Variants in MED13L observed in about 807,000 individuals in gnomAD.
MED13L encodes mediator of RNA polymerase II transcription subunit 13-like.
In MED13L, 7 loss-of-function variants were observed where a neutral mutation model predicts 220.9. That is an observed-to-expected ratio of 0.03 (90% CI 0.02 to 0.06). MED13L has a LOEUF of 0.06. Among genes scored for constraint, MED13L ranks in the 10% least tolerant of loss-of-function variants. The pLI, the probability that MED13L is intolerant of heterozygous loss-of-function variation, is 1.00. For missense variants in MED13L, 1,965 were observed against 2,760.5 expected, an observed-to-expected ratio of 0.71 and a Z score of 6.46; for synonymous variants, 1,011 against 1,015.2, an observed-to-expected ratio of 1.00 and a Z score of 0.08.
chr12:116,269,954 CTTT>C (rs1159926558), intron 1 of MED13L, among the ~76,000 whole-genome samples: 2 of 143,650 alleles, frequency 1.4e-5, no homozygotes, highest in South Asian at 2.2e-4. Context: ...AGGCAGTTTT[CTTT>C]TTTTTTTTCA....
intron 2 of MED13L, chr12:116,232,263 ATACTGTT>A: frequency 3.9e-6 from 1 of 254,236 alleles, no homozygotes; most frequent in Non-Finnish European, 6.2e-6. Flanking sequence ...AAGACTTCTG[ATACTGTT>A]ATAGGGACAA....
intron 2 of MED13L, among the ~76,000 whole-genome samples, chr12:116,202,803 T>C (rs1882087535): frequency 6.6e-6 from 1 of 152,192 alleles, no homozygotes. Flanking sequence ...AGTCTTTCTA[T>C]TCAATAAGGC....
intron 2 of MED13L, 82 bp downstream of exon 2, chr12:116,237,386 G>T: frequency 8.9e-7 from 1 of 1,117,854 alleles, no homozygotes; most frequent in Non-Finnish European, 1.4e-6. Flanking sequence ...TTTTAGACAA[G>T]TCTTAATAAT....
At position 116,034,610 on chromosome 12, in the gene MED13L, C is replaced by T. The variant is rs370405706; in HGVS notation, c.480-12009G>A. ...CTAGAAAGGTGACTAGCATAGCAGT[C>T]CGACATCCGTTCCACTTTCTCCATA... On this transcript the variant is annotated intron_variant, in intron 4 of 30. Transcript: ENST00000281928. 1.1e-4 allele frequency among the ~76,000 whole-genome samples: 17 copies of T among 152,284 alleles called. No individual in the cohort carries two copies. The East Asian group carries it at 3.1e-3, about 28-fold the overall frequency.
In MED13L at chr12:116,276,306, TTTTGTGTGTG is replaced by T. The variant is rs892419310; in HGVS notation, c.72+744_72+753del. 3.6e-5 allele frequency: 11 copies of T among 304,282 alleles called. No homozygotes were observed. In the Admixed American group the frequency reaches 7.0e-4, roughly 19 times the overall value. 18.8% of individuals were successfully genotyped at this position (304,282 alleles called of 1,614,324 possible). A position where few individuals can be genotyped will look rare whatever the true frequency, so the allele number is the denominator to read the frequency against. ...GTTATCAAACCGACCAGCTTGTTGC[TTTTGTGTGTG>T]TGTGTGTGTGTGTGTGTGTGTGTGT... On this transcript the variant is annotated intron_variant, in intron 1 of 30. Transcript: ENST00000281928.
intron 20 of MED13L, 58 bp downstream of exon 20, chr12:115,984,122 G>A: frequency 7.9e-6 from 12 of 1,528,450 alleles, no homozygotes; most frequent in Non-Finnish European, 1.1e-5. Context: ...AGAAGGGATG[G>A]GACGGATTTG....
At chr12:116,206,074 CTTTTTT>C (rs1160337465) in intron 2 of MED13L, among the ~76,000 whole-genome samples, 13 of 87,226 alleles carry the variant, frequency 1.5e-4, no homozygotes, top group South Asian at 9.3e-4. Flanking sequence ...GTATTATTAC[CTTTTTT>C]TTTTTTTTTT....
intron 2 of MED13L, among the ~76,000 whole-genome samples, chr12:116,136,824 C>G (rs1165310410): frequency 1.3e-5 from 2 of 152,074 alleles, no homozygotes; most frequent in Non-Finnish European, 2.9e-5. Flanking sequence ...TAAGAGTGAA[C>G]ATAAACTGGT....
intron 1 of MED13L, among the ~76,000 whole-genome samples, chr12:116,253,245 C>A: frequency 7.2e-6 from 1 of 139,176 alleles, no homozygotes; most frequent in African/African-American, 2.7e-5. Context: ...GCACTCCAGC[C>A]AGGGCAATAA....
intron 4 of MED13L, among the ~76,000 whole-genome samples, chr12:116,037,487 A>G (rs577770699): frequency 6.6e-6 from 1 of 152,350 alleles, no homozygotes; most frequent in African/African-American, 2.4e-5. Context: ...ATCCGATGAA[A>G]TCTGAAATCC....
In MED13L at chr12:115,980,740, C is replaced by A; in HGVS notation, c.5364+10G>T. The A allele has an allele frequency of 6.2e-7, 1 of 1,613,908 alleles. No homozygotes were observed. The highest frequency in any genetic ancestry group is 8.5e-7 in the Non-Finnish European group (1 of 1,179,896). On this transcript the variant is annotated intron_variant, in intron 23 of 30. Transcript: ENST00000281928. ...TAAATTTTCTAAGTTTCTGTCCTGC[C>A]AATACCTACCTCAGGGTTCTTGAGG...
chr12:116,067,855 A>C (rs1870068865), intron 4 of MED13L, among the ~76,000 whole-genome samples: 2 of 152,222 alleles, frequency 1.3e-5, no homozygotes, highest in African/African-American at 4.8e-5. Flanking sequence ...CTTGCAGCAA[A>C]TGTCTGGAAC....
At chr12:116,060,579 GAAA>G (rs201867322) in intron 4 of MED13L, among the ~76,000 whole-genome samples, 9 of 89,156 alleles carry the variant, frequency 1.0e-4, no homozygotes, top group Non-Finnish European at 1.9e-4. Context: ...GACTCCAAGG[GAAA>G]AAAAAAAAAA....
intron 2 of MED13L, among the ~76,000 whole-genome samples, chr12:116,130,618 T>C (rs4767386): frequency 0.92 from 140,458 of 152,262 alleles, 64,967 homozygotes; most frequent in East Asian, 1. Flanking sequence ...CCTTTTCCCT[T>C]CAAGCCAATG....
At chr12:115,966,548 A>G (rs369889668) in intron 28 of MED13L, among the ~76,000 whole-genome samples, 2 of 152,194 alleles carry the variant, frequency 1.3e-5, no homozygotes, top group South Asian at 4.1e-4. Flanking sequence ...AAATGGAAAG[A>G]TTACAATCTC....
intron 2 of MED13L, among the ~76,000 whole-genome samples, chr12:116,198,995 C>A (rs1011000927): frequency 6.6e-6 from 1 of 152,154 alleles, no homozygotes. Flanking sequence ...CCCCTAGGAA[C>A]CACTAAAGTT....
intron 2 of MED13L, chr12:116,230,429 T>C: frequency 1.0e-6 from 1 of 958,920 alleles, no homozygotes; most frequent in Non-Finnish European, 1.2e-6. Flanking sequence ...AAAATGAAAC[T>C]TACTTTTCAG....
chr12:116,018,409 T>C (rs1879859108), intron 7 of MED13L, among the ~76,000 whole-genome samples: 1 of 152,218 alleles, frequency 6.6e-6, no homozygotes, highest in Admixed American at 6.5e-5. Context: ...GTATGTATCA[T>C]GCTTGATAGT....
At chr12:116,185,439 A>C (rs181477391) in intron 2 of MED13L, among the ~76,000 whole-genome samples, 1 of 152,234 alleles carries the variant, frequency 6.6e-6, no homozygotes, top group East Asian at 1.9e-4. Context: ...ACAAGACTCT[A>C]AAAGATCTTT....
Sources: allele counts gnomAD v4.1 joint callset (sites outside exome capture counted in the v4.1 genomes callset), GRCh38; gene constraint gnomAD v4.1.1; transcripts MANE v1.5; gene names NCBI Gene and HGNC (gene_info 2026-07-23, HGNC 2026-07-21).